The following KCNJ3 variants were observed in gnomAD, a reference collection of about 807,000 sequenced individuals.
KCNJ3 encodes potassium inwardly rectifying channel subfamily J member 3.
Under a neutral mutation model 39.2 loss-of-function variants are expected in KCNJ3, and 4 were observed. That is an observed-to-expected ratio of 0.10 (90% CI 0.05 to 0.23). KCNJ3 has a LOEUF of 0.23. Ranked by LOEUF, KCNJ3 falls within the 10% of genes least tolerant of loss-of-function variation. KCNJ3 has a pLI of 1.00. For missense variants in KCNJ3, 276 were observed against 634.9 expected, an observed-to-expected ratio of 0.43 and a Z score of 6.08; for synonymous variants, 230 against 237.4, an observed-to-expected ratio of 0.97 and a Z score of 0.29.
chr2:154,739,807 A>G (rs1249223143), intron 2 of KCNJ3, among the ~76,000 whole-genome samples: 1 of 152,054 alleles, frequency 6.6e-6, no homozygotes, highest in Non-Finnish European at 1.5e-5. Flanking sequence ...TAATACTTCA[A>G]GATATAGCCC....
chr2:154,712,603 A>G (rs1685116606), intron 2 of KCNJ3, among the ~76,000 whole-genome samples: 1 of 152,176 alleles, frequency 6.6e-6, no homozygotes, highest in African/African-American at 2.4e-5. Flanking sequence ...CCGGACAGAA[A>G]GAATTTCTTT....
intron 2 of KCNJ3, among the ~76,000 whole-genome samples, chr2:154,835,272 A>G (rs1409359533): frequency 6.6e-6 from 1 of 151,808 alleles, no homozygotes; most frequent in African/African-American, 2.4e-5. Flanking sequence ...TACCTTGTTA[A>G]TTTTTGAAAT....
At chr2:154,813,518 T>C (rs1007303896) in intron 2 of KCNJ3, among the ~76,000 whole-genome samples, 2 of 152,234 alleles carry the variant, frequency 1.3e-5, no homozygotes, top group African/African-American at 4.8e-5. Flanking sequence ...TCTTATGTTG[T>C]TGACTGCTTC....
chr2:154,800,547 TTA>T (rs1367967187), intron 2 of KCNJ3, among the ~76,000 whole-genome samples: 9 of 152,178 alleles, frequency 5.9e-5, no homozygotes, highest in Admixed American at 4.6e-4. Flanking sequence ...ATCATCAATT[TTA>T]TGTTTTAAAT....
intron 2 of KCNJ3, among the ~76,000 whole-genome samples, chr2:154,748,415 G>A (rs1013942804): frequency 1.1e-4 from 16 of 151,916 alleles, no homozygotes; most frequent in African/African-American, 3.6e-4. Flanking sequence ...TTTAATAAAC[G>A]AAAAGTAGAA....
intron 2 of KCNJ3, among the ~76,000 whole-genome samples, chr2:154,824,875 T>C (rs183459960): frequency 3.7e-4 from 56 of 152,310 alleles, no homozygotes; most frequent in African/African-American, 1.3e-3. Flanking sequence ...GCAACTACTG[T>C]GCACTAATGA....
chr2:154,733,260 C>G (rs951583357), intron 2 of KCNJ3, among the ~76,000 whole-genome samples: 1 of 151,944 alleles, frequency 6.6e-6, no homozygotes, highest in Admixed American at 6.6e-5. Context: ...AATTAACTTA[C>G]TCTATATTAA....
At chr2:154,792,474 CA>C (rs1209598629) in intron 2 of KCNJ3, among the ~76,000 whole-genome samples, 1 of 152,042 alleles carries the variant, frequency 6.6e-6, no homozygotes, top group African/African-American at 2.4e-5. Flanking sequence ...TGTCTGCTGT[CA>C]AAGTCTATGG....
chr2:154,722,788 T>C (rs1171257596), intron 2 of KCNJ3, among the ~76,000 whole-genome samples: 3 of 152,084 alleles, frequency 2.0e-5, no homozygotes, highest in South Asian at 4.1e-4. Flanking sequence ...ATGGCAGTAA[T>C]TGAGTTGAGA....
chr2:154,754,972 A>G (rs1254098909), intron 2 of KCNJ3, among the ~76,000 whole-genome samples: 3 of 152,108 alleles, frequency 2.0e-5, no homozygotes, highest in Non-Finnish European at 4.4e-5. Flanking sequence ...TTGGTCAGTT[A>G]TATTTCCAAG....
At chr2:154,841,243 T>C (rs1366621032) in intron 2 of KCNJ3, among the ~76,000 whole-genome samples, 1 of 152,190 alleles carries the variant, frequency 6.6e-6, no homozygotes, top group Admixed American at 6.5e-5. Context: ...CAGTGATTGA[T>C]TTGCATATGT....
intron 2 of KCNJ3, among the ~76,000 whole-genome samples, chr2:154,805,848 C>T (rs1686901409): frequency 6.6e-6 from 1 of 151,824 alleles, no homozygotes; most frequent in African/African-American, 2.4e-5. Flanking sequence ...TGAGTTATAA[C>T]CAGAATTACA....
intron 2 of KCNJ3, among the ~76,000 whole-genome samples, chr2:154,750,206 T>C (rs922929119): frequency 2.0e-5 from 3 of 152,180 alleles, no homozygotes; most frequent in Middle Eastern, 3.4e-3. Flanking sequence ...CTTCCTTATG[T>C]TTTATTTGTA....
chr2:154,760,201 T>C (rs970474656), intron 2 of KCNJ3, among the ~76,000 whole-genome samples: 7 of 152,228 alleles, frequency 4.6e-5, no homozygotes, highest in African/African-American at 1.7e-4. Context: ...AATGTTACAC[T>C]GCCATTGTTT....
chr2:154,736,374 T>TAAAAAAAAAAAAAAAAAAAAAAA (rs70983745), intron 2 of KCNJ3, among the ~76,000 whole-genome samples: 3 of 93,238 alleles, frequency 3.2e-5, no homozygotes, highest in African/African-American at 7.8e-5. Flanking sequence ...TCACTAGTTC[T>TAAAAAAAAAAAAAAAAAAAAAAA]AAAAAAAAAA....
At chr2:154,750,533 G>C (rs1038298718) in intron 2 of KCNJ3, among the ~76,000 whole-genome samples, 2 of 151,926 alleles carry the variant, frequency 1.3e-5, no homozygotes, top group Non-Finnish European at 2.9e-5. Context: ...TTATTTATGA[G>C]ATAGCTTCTG....
intron 2 of KCNJ3, among the ~76,000 whole-genome samples, chr2:154,818,215 C>T (rs897512650): frequency 1.6e-4 from 25 of 152,112 alleles, no homozygotes; most frequent in African/African-American, 5.8e-4. Flanking sequence ...TAACCTTGGA[C>T]TCCTCTAGGT....
At chr2:154,779,578 C>CTA (rs1686400108) in intron 2 of KCNJ3, among the ~76,000 whole-genome samples, 1 of 145,158 alleles carries the variant, frequency 6.9e-6, no homozygotes, top group African/African-American at 2.5e-5. Flanking sequence ...GAGTCTTGCT[C>CTA]TATATCCTAG....
intron 2 of KCNJ3, among the ~76,000 whole-genome samples, chr2:154,715,187 G>C (rs1211169578): frequency 6.6e-6 from 1 of 152,184 alleles, no homozygotes; most frequent in Non-Finnish European, 1.5e-5. Flanking sequence ...AATCACAGTA[G>C]TTGTTTCAGA....
Sources: allele counts gnomAD v4.1 joint callset (sites outside exome capture counted in the v4.1 genomes callset), GRCh38; gene constraint gnomAD v4.1.1; transcripts MANE v1.5; gene names NCBI Gene and HGNC (gene_info 2026-07-23, HGNC 2026-07-21).